MPZL1: variants seen among roughly 807,000 people sequenced by gnomAD.
MPZL1 encodes myelin protein zero-like protein 1.
Under a neutral mutation model 29.3 loss-of-function variants are expected in MPZL1, and 16 were observed. The observed-to-expected ratio is 0.55, with a 90% CI of 0.37 to 0.83. MPZL1 has a LOEUF of 0.83. Among genes scored for constraint, MPZL1 ranks in the 40% least tolerant of loss-of-function variants. The probability of loss-of-function intolerance (pLI) is 0.00; values close to 1 mark genes in which losing one functional copy is unlikely to be tolerated. For missense variants in MPZL1, 279 were observed against 332.9 expected (o/e 0.84, Z 1.26); for synonymous variants, 143 against 132.0 (o/e 1.08, Z -0.57).
At chr1:167,731,209 C>T (rs952249239) in intron 1 of MPZL1, among the ~76,000 whole-genome samples, 2 of 151,920 alleles carry the variant, frequency 1.3e-5, no homozygotes, top group Non-Finnish European at 2.9e-5. Context: ...CTGAGGTGGA[C>T]GGATCATTTG....
rs1458777362 is a variant in MPZL1 at position 167,789,465 on chromosome 1, T to C, written c.*1544T>C. 2.0e-5 allele frequency: 3 copies of C among 152,210 alleles called. No homozygotes were observed. Among genetic ancestry groups the C allele is most frequent in the Non-Finnish European group, 4.4e-5 (3 of 68,054 alleles). 9.4% of individuals were successfully genotyped at this position (152,210 alleles called of 1,614,324 possible). ...GCTGCTTTTTCTTCTCATCTTGTCA[T>C]CTTCTGGGGATGTTTGAAGGCTGAG... On this transcript the variant is annotated 3_prime_UTR_variant, in exon 6 of 6. Coordinates refer to ENST00000359523, the MANE Select transcript of MPZL1 (RefSeq NM_003953.6).
At chr1:167,763,721 C>T (rs1217648282) in intron 1 of MPZL1, among the ~76,000 whole-genome samples, 1 of 152,154 alleles carries the variant, frequency 6.6e-6, no homozygotes, top group African/African-American at 2.4e-5. Context: ...TGCCCTGGGG[C>T]TGCTTTTCTG....
chr1:167,746,926 T>C (rs1480982233), intron 1 of MPZL1, among the ~76,000 whole-genome samples: 1 of 152,222 alleles, frequency 6.6e-6, no homozygotes, highest in African/African-American at 2.4e-5. Flanking sequence ...ATAAGAAATT[T>C]GGGAATTTGA....
chr1:167,756,241 C>G (rs555444726), intron 1 of MPZL1, among the ~76,000 whole-genome samples: 46 of 152,086 alleles, frequency 3.0e-4, no homozygotes, highest in African/African-American at 1.1e-3. Context: ...CTCAACCTCC[C>G]AGGCCCAGGC....
At chr1:167,753,259 G>GA (rs1388076801) in intron 1 of MPZL1, among the ~76,000 whole-genome samples, 5 of 152,150 alleles carry the variant, frequency 3.3e-5, no homozygotes, top group Non-Finnish European at 7.4e-5. Flanking sequence ...TGAAGGAAGT[G>GA]AGAGCAAGCT....
intron 1 of MPZL1, among the ~76,000 whole-genome samples, chr1:167,750,275 A>T (rs751407943): frequency 2.0e-5 from 3 of 151,804 alleles, no homozygotes; most frequent in Non-Finnish European, 4.4e-5. Context: ...ATCTCAGCTC[A>T]TTGCAACCTC....
chr1:167,754,068 G>A (rs1190723802), intron 1 of MPZL1, among the ~76,000 whole-genome samples: 1 of 152,080 alleles, frequency 6.6e-6, no homozygotes, highest in Admixed American at 6.6e-5. Flanking sequence ...CGTGATCTCC[G>A]TTCGCTGCAA....
intron 1 of MPZL1, among the ~76,000 whole-genome samples, chr1:167,728,419 G>A (rs1660199076): frequency 1.4e-5 from 2 of 143,034 alleles, no homozygotes. Context: ...TATTGGCCAG[G>A]CTGGTCTCGA....
At chr1:167,737,583 A>G (rs1333093214) in intron 1 of MPZL1, among the ~76,000 whole-genome samples, 4 of 152,230 alleles carry the variant, frequency 2.6e-5, no homozygotes, top group Non-Finnish European at 2.9e-5. Flanking sequence ...TGTTCTCACA[A>G]GATTGCCCAG....
At position 167,788,645 on chromosome 1, in the gene MPZL1, T is replaced by C. The variant is rs1030307664; in HGVS notation, c.*724T>C. On this transcript the variant is annotated 3_prime_UTR_variant, in exon 6 of 6. Coordinates refer to ENST00000359523, the MANE Select transcript of MPZL1 (RefSeq NM_003953.6). Reference sequence around the variant, plus strand: ...GAAGGTCACTTCATTCTGGACACAGTTGGATCAATACTGATTAAGTAGAAA... The same window carrying C: ...GAAGGTCACTTCATTCTGGACACAGCTGGATCAATACTGATTAAGTAGAAA... The C allele has an allele frequency of 6.6e-6, 1 of 152,230 alleles. No individual in the cohort carries two copies. The highest frequency in any genetic ancestry group is 2.4e-5 in the African/African-American group (1 of 41,454). The allele number at this position is 152,230 out of a possible 1,614,324, so 9.4% of individuals were successfully genotyped here.
chr1:167,747,534 A>G (rs1660670637), intron 1 of MPZL1, among the ~76,000 whole-genome samples: 1 of 152,210 alleles, frequency 6.6e-6, no homozygotes, highest in Non-Finnish European at 1.5e-5. Flanking sequence ...ACGTTTAAAT[A>G]AAAATGTTAG....
In MPZL1 at chr1:167,773,254, C is replaced by T. The variant is rs1363125976; in HGVS notation, c.491C>T (p.Pro164Leu). 3.7e-6 allele frequency: 6 copies of T among 1,612,900 alleles called. No individual in the cohort carries two copies. The highest frequency in any genetic ancestry group is 5.1e-6 in the Non-Finnish European group (6 of 1,179,264). ...VVEKENLPVF[P>L]VWVVVGIVTA... ...TCTCTAGAGAATTTGCCTGTGTTTC[C>T]AGTTTGGGTAGTGGTGGGCATAGTT... Residue 164 changes from proline (P) to leucine (L), a missense_variant, in exon 4 of 6, where the codon CCA (proline) becomes CTA (leucine). Transcript: ENST00000359523.
intron 5 of MPZL1, among the ~76,000 whole-genome samples, chr1:167,779,868 C>T (rs557092903): frequency 1.3e-5 from 2 of 152,170 alleles, no homozygotes; most frequent in South Asian, 2.1e-4. Context: ...CTGATAAGAA[C>T]AAAATTCTGA....
chr1:167,729,695 C>T (rs1189196503), intron 1 of MPZL1, among the ~76,000 whole-genome samples: 1 of 152,014 alleles, frequency 6.6e-6, no homozygotes, highest in Non-Finnish European at 1.5e-5. Context: ...TTAACTTCTC[C>T]CTCTCCCTTT....
At chr1:167,741,756 G>C (rs1310973362) in intron 1 of MPZL1, among the ~76,000 whole-genome samples, 2 of 152,090 alleles carry the variant, frequency 1.3e-5, no homozygotes, top group African/African-American at 4.8e-5. Context: ...GTCTTGGCTG[G>C]GCACTGTGGC....
Position 167,772,279 on chromosome 1 carries a change from T to C in MPZL1, c.263T>C (p.Phe88Ser), listed in dbSNP as rs201193049. The part of the protein sequence containing the change: ...PEGADTTVSF[F>S]HYSQGQVYLG... ...GTTCCTTTTTTCTAATTGCAGTTTT[T>C]CCACTACTCCCAAGGGCAAGTGTAC... The change falls in exon 3 of 6, where the codon TTC becomes TCC. Residue 88 changes from phenylalanine (F) to serine (S), a missense_variant. Transcript: ENST00000359523. The C allele has an allele frequency of 6.2e-7, 1 of 1,612,222 alleles. No individual in the cohort carries two copies. The highest frequency in any genetic ancestry group is 8.5e-7 in the Non-Finnish European group (1 of 1,178,630).
intron 1 of MPZL1, among the ~76,000 whole-genome samples, chr1:167,760,535 G>T (rs946379367): frequency 6.6e-6 from 1 of 152,058 alleles, no homozygotes; most frequent in Non-Finnish European, 1.5e-5. Context: ...GAGATGACAT[G>T]TGTAGCTGAC....
At chr1:167,738,864 TA>T (rs1660440165) in intron 1 of MPZL1, among the ~76,000 whole-genome samples, 1 of 152,184 alleles carries the variant, frequency 6.6e-6, no homozygotes, top group African/African-American at 2.4e-5. Context: ...ACGAGCCAAT[TA>T]AACCTCTTTT....
chr1:167,744,644 A>G (rs983597692), intron 1 of MPZL1, among the ~76,000 whole-genome samples: 3 of 145,958 alleles, frequency 2.1e-5, no homozygotes, highest in African/African-American at 7.7e-5. Context: ...AGATCGCACC[A>G]CTTCACTCCA....
Sources: allele counts gnomAD v4.1 joint callset (sites outside exome capture counted in the v4.1 genomes callset), GRCh38; gene constraint gnomAD v4.1.1; transcripts MANE v1.5; gene names NCBI Gene and HGNC (gene_info 2026-07-23, HGNC 2026-07-21).